Variants in RFTN1 observed in about 807,000 individuals in gnomAD.
RFTN1 encodes raftlin, lipid raft linker 1.
Under a neutral mutation model 46.5 loss-of-function variants are expected in RFTN1, and 26 were observed. The observed-to-expected ratio is 0.56, with a 90% CI of 0.41 to 0.78. The LOEUF is 0.78. RFTN1 is among the 30% of genes least tolerant of loss of function. The probability of loss-of-function intolerance (pLI) is 0.00; values close to 1 mark genes in which losing one functional copy is unlikely to be tolerated. For synonymous variants in RFTN1, 261 were observed against 284.2 expected, an observed-to-expected ratio of 0.92 and a Z score of 0.82; for missense variants, 693 against 718.7, an observed-to-expected ratio of 0.96 and a Z score of 0.41.
At chr3:16,393,663 A>ATTTTTT (rs1559319361) in intron 4 of RFTN1, among the ~76,000 whole-genome samples, 1 of 122,922 alleles carries the variant, frequency 8.1e-6, no homozygotes. Flanking sequence ...TTTTTTTTTT[A>ATTTTTT]ATTTTTTTTT....
At chr3:16,347,694 T>A (rs1252933191) in intron 7 of RFTN1, 3 of 152,256 alleles carry the variant, frequency 2.0e-5, no homozygotes, top group African/African-American at 7.2e-5. Flanking sequence ...AACTAGGGAA[T>A]TGAGGGTCAG....
At position 16,320,598 on chromosome 3, in the gene RFTN1, G is replaced by C. The variant is rs564553718; in HGVS notation, c.1332+2778C>G. On this transcript the variant is annotated intron_variant, in intron 9 of 9. Coordinates refer to ENST00000334133, the MANE Select transcript of RFTN1 (RefSeq NM_015150.2). This position sits in a 1 kb window ranked among gnomAD's most constrained non-coding sequence, Gnocchi z 4.5. ...AAAAGCCCAAAGGAGAGCTCTGAAG[G>C]AGAAGAACGTGGTTCTTTTCCAGGG... 1.3e-5 allele frequency among the ~76,000 whole-genome samples: 2 copies of C among 152,364 alleles called. No individual in the cohort carries two copies. Among genetic ancestry groups the C allele is most frequent in the South Asian group, 4.1e-4 (2 of 4,828 alleles).
rs148657749 is a variant in RFTN1 at position 16,351,040 on chromosome 3, C to T, written c.1146+6892G>A. Reference sequence around the variant, plus strand: ...GAAACCTGCAGAACTTCATGAAGAACAAGTGAGACCTAATGTGTTATTACA... The same window carrying T: ...GAAACCTGCAGAACTTCATGAAGAATAAGTGAGACCTAATGTGTTATTACA... On this transcript the variant is annotated intron_variant, in intron 7 of 9. Transcript: ENST00000334133. This position sits in a 1 kb window ranked among gnomAD's most constrained non-coding sequence, Gnocchi z 5.4. 1.3e-4 allele frequency among the ~76,000 whole-genome samples: 20 copies of T among 152,276 alleles called. No individual in the cohort carries two copies. Among genetic ancestry groups the T allele is most frequent in the African/African-American group, 4.8e-4 (20 of 41,540 alleles).
rs146826796 is a variant in RFTN1 at position 16,326,853 on chromosome 3, G to A, written c.1170C>T (p.Tyr390=). 7.4e-5 allele frequency: 119 copies of A among 1,613,962 alleles called. No homozygotes were observed. The highest frequency in any genetic ancestry group is 5.9e-4 in the African/African-American group (44 of 75,034). The change falls in exon 8 of 10, where the codon TAC becomes TAT. Residue 390 remains tyrosine (Y), a synonymous_variant. Coordinates refer to ENST00000334133, the MANE Select transcript of RFTN1 (RefSeq NM_015150.2). ...CCGCCAGCGAGTTCAGCAGGGGCAC[G>A]TAGTCTGTCTGCACTTCGACACCCT... ...VLEGVEVQTD[Y]VPLLNSLAAY...
In RFTN1 at chr3:16,466,051, C is replaced by G. The variant is rs2076084473; in HGVS notation, c.145+27674G>C. The stretch of plus-strand genomic sequence containing the variant: ...ATGAGCCATTTAAATGCCCATCACT[C>G]CACATCACTCTCATGCTCTGAATTC... On this transcript the variant is annotated intron_variant, in intron 2 of 9. Coordinates refer to ENST00000334133, the MANE Select transcript of RFTN1 (RefSeq NM_015150.2). The surrounding 1 kb of genome is among the most constrained non-coding windows in gnomAD (Gnocchi z 5.6). Among the ~76,000 whole-genome samples the G allele has an allele frequency of 6.6e-6, 1 of 152,214 alleles. No individual in the cohort carries two copies. Among genetic ancestry groups the G allele is most frequent in the African/African-American group, 2.4e-5 (1 of 41,450 alleles).
Position 16,512,181 on chromosome 3 carries a change from T to C in RFTN1, c.-9+1261A>G, listed in dbSNP as rs746430010. On this transcript the variant is annotated intron_variant, in intron 1 of 9. Coordinates refer to ENST00000334133, the MANE Select transcript of RFTN1 (RefSeq NM_015150.2). The surrounding 1 kb of genome is among the most constrained non-coding windows in gnomAD (Gnocchi z 4.3). ...GATTCAGCTGTTCAGAGATACAAATTAGGAATCCCGGCAGCAGAGAGGCCC... is the reference window on the plus strand; with the variant it reads ...GATTCAGCTGTTCAGAGATACAAATCAGGAATCCCGGCAGCAGAGAGGCCC... 9.9e-5 allele frequency among the ~76,000 whole-genome samples: 15 copies of C among 152,074 alleles called. No homozygotes were observed. Among genetic ancestry groups the C allele is most frequent in the Non-Finnish European group, 2.1e-4 (14 of 68,024 alleles).
chr3:16,447,209 C>T lies in RFTN1; in HGVS notation c.146-13172G>A, dbSNP rs1363331668. On this transcript the variant is annotated intron_variant, in intron 2 of 9. Transcript: ENST00000334133. This position sits in a 1 kb window ranked among gnomAD's most constrained non-coding sequence, Gnocchi z 5.9. ...CATAAAGTTCTATGCATTGTAAATG[C>T]ATTTTAACAAATAATATTCCTCTGT... 6.6e-6 allele frequency among the ~76,000 whole-genome samples: 1 copy of T among 152,214 alleles called. No homozygotes were observed. Among genetic ancestry groups the T allele is most frequent in the Non-Finnish European group, 1.5e-5 (1 of 68,048 alleles).
rs964492756 is a variant in RFTN1 at position 16,317,438 on chromosome 3, G to T, written c.1333-206C>A. Among the ~76,000 whole-genome samples, 3 of 152,060 alleles carry T rather than the reference G, an allele frequency of 2.0e-5. No homozygotes were observed. Among genetic ancestry groups the T allele is most frequent in the African/African-American group, 4.8e-5 (2 of 41,396 alleles). ...CAAGAGCCTGCACCACACCTTCCAG[G>T]ATGTGTATTTTAGATGTAGATTTCA... On this transcript the variant is annotated intron_variant, in intron 9 of 9. Coordinates refer to ENST00000334133, the MANE Select transcript of RFTN1 (RefSeq NM_015150.2). This position sits in a 1 kb window ranked among gnomAD's most constrained non-coding sequence, Gnocchi z 4.3.
Position 16,451,262 on chromosome 3 carries a change from A to G in RFTN1, c.146-17225T>C, listed in dbSNP as rs966785057. Among the ~76,000 whole-genome samples the G allele has an allele frequency of 6.6e-6, 1 of 152,326 alleles. No individual in the cohort carries two copies. The highest frequency in any genetic ancestry group is 2.1e-4 in the South Asian group (1 of 4,826). On this transcript the variant is annotated intron_variant, in intron 2 of 9. Coordinates refer to ENST00000334133, the MANE Select transcript of RFTN1 (RefSeq NM_015150.2). The surrounding 1 kb of genome is among the most constrained non-coding windows in gnomAD (Gnocchi z 4.2). ...CCTAGAAGTCAAGGGAAGACGGAAC[A>G]GCAGAACGTCTCATCAGTGACCTCC...
rs2075190857 is a variant in RFTN1, at chr3:16,421,740, A to C, written c.332+12111T>G. Among the ~76,000 whole-genome samples the C allele has an allele frequency of 6.6e-6, 1 of 152,198 alleles. No homozygotes were observed. On this transcript the variant is annotated intron_variant, in intron 3 of 9. Coordinates refer to ENST00000334133, the MANE Select transcript of RFTN1 (RefSeq NM_015150.2). This position sits in a 1 kb window ranked among gnomAD's most constrained non-coding sequence, Gnocchi z 4.6. ...TAGCCATTTCCACATGAGAGAGAGAAGGATTTTACATTTACATTACGGGTA... is the reference window on the plus strand; with the variant it reads ...TAGCCATTTCCACATGAGAGAGAGACGGATTTTACATTTACATTACGGGTA...
chr3:16,504,822 C>T lies in RFTN1; in HGVS notation c.-9+8620G>A, dbSNP rs906297586. On this transcript the variant is annotated intron_variant, in intron 1 of 9. Transcript: ENST00000334133. The surrounding 1 kb of genome is among the most constrained non-coding windows in gnomAD (Gnocchi z 4.4). The stretch of plus-strand genomic sequence containing the variant: ...CTCCACCTGGAACTTTCTCTCTTCA[C>T]CTGAGACTTTCTCAGCACTTCTGGA... Among the ~76,000 whole-genome samples, 32 of 152,170 alleles carry T rather than the reference C, an allele frequency of 2.1e-4. No homozygotes were observed. The highest frequency in any genetic ancestry group is 1.6e-4 in the Non-Finnish European group (11 of 68,036).
At position 16,345,301 on chromosome 3, in the gene RFTN1, T is replaced by TGTGTGTGTGTGTGTGTGTGTGTGTGTG. The variant is rs1559842639; in HGVS notation, c.1146+12630_1146+12631insCACACACACACACACACACACACACAC. ...GTGTGTGTGTGTGTGTGTGTGTGTG[T>TGTGTGTGTGTGTGTGTGTGTGTGTGTG]TTAAAGCTGTTATAGAATTATCTCC... On this transcript the variant is annotated intron_variant, in intron 7 of 9. Coordinates refer to ENST00000334133, the MANE Select transcript of RFTN1 (RefSeq NM_015150.2). This position sits in a 1 kb window ranked among gnomAD's most constrained non-coding sequence, Gnocchi z 5.2. 11 of 146,414 alleles carry TGTGTGTGTGTGTGTGTGTGTGTGTGTG rather than the reference T, an allele frequency of 7.5e-5. No individual in the cohort carries two copies. The highest frequency in any genetic ancestry group is 2.5e-4 in the African/African-American group (10 of 40,308). 9.1% of individuals were successfully genotyped at this position (146,414 alleles called of 1,614,324 possible). A position where few individuals can be genotyped will look rare whatever the true frequency, so the allele number is the denominator to read the frequency against.
rs918040291 is a variant in RFTN1 at position 16,468,898 on chromosome 3, A to G, written c.145+24827T>C. 2.0e-5 allele frequency among the ~76,000 whole-genome samples: 3 copies of G among 152,228 alleles called. No homozygotes were observed. The highest frequency in any genetic ancestry group is 4.1e-4 in the South Asian group (2 of 4,836). On this transcript the variant is annotated intron_variant, in intron 2 of 9. Coordinates refer to ENST00000334133, the MANE Select transcript of RFTN1 (RefSeq NM_015150.2). This position sits in a 1 kb window ranked among gnomAD's most constrained non-coding sequence, Gnocchi z 4.4. ...TGCTTCCCCTTCCTGTGGCTGGCCC[A>G]TTAGGGCAGGCATGCAGCCATTTCT...
At chr3:16,386,027 A>G (rs1398156327) in intron 4 of RFTN1, among the ~76,000 whole-genome samples, 1 of 152,210 alleles carries the variant, frequency 6.6e-6, no homozygotes, top group Non-Finnish European at 1.5e-5. Context: ...CAAACTTCAA[A>G]ATGTTATGTT....
At chr3:16,395,232 C>T (rs111714319) in intron 4 of RFTN1, among the ~76,000 whole-genome samples, 1 of 152,198 alleles carries the variant, frequency 6.6e-6, no homozygotes, top group Non-Finnish European at 1.5e-5. Context: ...TCTTTTAGAT[C>T]TTGGCATATA....
intron 4 of RFTN1, among the ~76,000 whole-genome samples, chr3:16,396,043 G>T (rs1026914773): frequency 1.3e-5 from 2 of 152,112 alleles, no homozygotes; most frequent in African/African-American, 2.4e-5. Flanking sequence ...TACTTAACAT[G>T]ACTATTAGAT....
intron 1 of RFTN1, among the ~76,000 whole-genome samples, chr3:16,511,350 G>T (rs1471354698): frequency 6.6e-6 from 1 of 152,190 alleles, no homozygotes; most frequent in East Asian, 1.9e-4. Context: ...AAATGTTTAG[G>T]AATGACCTGT....
Position 16,341,018 on chromosome 3 carries a change from AAAG to A in RFTN1, c.1147-14145_1147-14143del, listed in dbSNP as rs1283117572. ...AAAAGTTCTAAACAAATACCTCACC[AAAG>A]AAGATATGCAGGTAGCAAATAATAA... On this transcript the variant is annotated intron_variant, in intron 7 of 9. Coordinates refer to ENST00000334133, the MANE Select transcript of RFTN1 (RefSeq NM_015150.2). This position sits in a 1 kb window ranked among gnomAD's most constrained non-coding sequence, Gnocchi z 4.7. Among the ~76,000 whole-genome samples the A allele has an allele frequency of 1.3e-5, 2 of 152,256 alleles. No individual in the cohort carries two copies. Among genetic ancestry groups the A allele is most frequent in the African/African-American group, 4.8e-5 (2 of 41,470 alleles).
chr3:16,339,514 C>T (rs1010163316), intron 7 of RFTN1: 2 of 152,224 alleles, frequency 1.3e-5, no homozygotes, highest in Non-Finnish European at 2.9e-5. Flanking sequence ...CTACCAGAGA[C>T]AAATCCACCA....
Sources: gnomAD v4.1 joint callset for allele counts (sites outside exome capture counted in the v4.1 genomes callset) on GRCh38, gnomAD v4.1.1 for gene constraint, Gnocchi (gnomAD v3.1) non-coding constraint, MANE v1.5 for transcripts, NCBI Gene and HGNC (gene_info 2026-07-23, HGNC 2026-07-21) for gene names.